COL3A1: variants seen among roughly 807,000 people sequenced by gnomAD.
COL3A1 encodes the protein collagen type III alpha 1 chain.
COL3A1 carries 46 observed loss-of-function variants against 200.9 expected under a neutral mutation model. The ratio of observed to expected loss-of-function variants is 0.23; its 90% CI spans 0.18 to 0.29. The LOEUF is 0.29. Ranked by LOEUF, COL3A1 falls within the 10% of genes least tolerant of loss-of-function variation. The pLI, the probability that COL3A1 is intolerant of heterozygous loss-of-function variation, is 1.00. For missense variants in COL3A1, 1,367 were observed against 1,917.6 expected, an observed-to-expected ratio of 0.71 and a Z score of 5.36; for synonymous variants, 650 against 628.0, an observed-to-expected ratio of 1.03 and a Z score of -0.52.
At chr2:188,989,338 A>T (rs1049337831) in intron 7 of COL3A1, 58 bp from the exon 8 acceptor site, 1 of 1,300,142 alleles carries the variant, frequency 7.7e-7, no homozygotes, top group Non-Finnish European at 1.1e-6. Context: ...ACTGTGTAAT[A>T]ATAAATTGTA....
chr2:188,985,479 C>T lies in COL3A1; in HGVS notation c.334-186C>T, dbSNP rs80263080. On this transcript the variant is annotated intron_variant, in intron 3 of 50. Coordinates refer to ENST00000304636, the MANE Select transcript of COL3A1 (RefSeq NM_000090.4). ...ATCAGTTTAAAGAAAATGTGTAGGTCAATATACAAAGGAATACATTATACT... is the reference window on the plus strand; with the variant it reads ...ATCAGTTTAAAGAAAATGTGTAGGTTAATATACAAAGGAATACATTATACT... 9.0e-3 allele frequency among the ~76,000 whole-genome samples: 1,373 copies of T among 151,802 alleles called. 11 individuals are homozygous for T. The highest frequency in any genetic ancestry group is 0.015 in the Non-Finnish European group (1,040 of 67,888).
intron 22 of COL3A1, 56 bp from the exon 23 acceptor site, chr2:188,996,069 A>G: frequency 6.8e-7 from 1 of 1,473,210 alleles, no homozygotes; most frequent in Admixed American, 1.7e-5. Context: ...TAGTGTATGT[A>G]GTAATTTTTT....
chr2:189,002,689 C>T (rs1688494375), intron 35 of COL3A1, among the ~76,000 whole-genome samples: 1 of 152,112 alleles, frequency 6.6e-6, no homozygotes, highest in South Asian at 2.1e-4. Flanking sequence ...TTTACTGGTG[C>T]TGATTTTCAA....
Position 188,999,500 on chromosome 2 carries a change from G to T in COL3A1, c.2152G>T (p.Ala718Ser), listed in dbSNP as rs748020035. The T allele has an allele frequency of 1.2e-6, 2 of 1,614,108 alleles. No homozygotes were observed. Among genetic ancestry groups the T allele is most frequent in the East Asian group, 4.5e-5 (2 of 44,880 alleles). Residue 718 changes from alanine (A) to serine (S), a missense_variant, in exon 31 of 51, where the codon GCT becomes TCT. By Grantham distance (99) the Ala-to-Ser change is moderately conservative. Coordinates refer to ENST00000304636, the MANE Select transcript of COL3A1 (RefSeq NM_000090.4). Reference sequence around the variant, plus strand: ...TGCTGGTCCTCCTGGGCCACCTGGTGCTGCTGGTACTCCTGGTCTGCAAGG... The same window carrying T: ...TGCTGGTCCTCCTGGGCCACCTGGTTCTGCTGGTACTCCTGGTCTGCAAGG... ...GAAGPPGPPG[A>S]AGTPGLQGMP...
chr2:189,008,047 C>T lies in COL3A1; in HGVS notation c.3430C>T (p.Pro1144Ser), dbSNP rs748793822. 3.1e-6 allele frequency: 5 copies of T among 1,613,908 alleles called. No homozygotes were observed. The highest frequency in any genetic ancestry group is 3.3e-5 in the Admixed American group (2 of 59,990). ...GPAGPRGPVGPSGPPGKDGTS... is the reference protein window; with the variant it reads ...GPAGPRGPVGSSGPPGKDGTS... ...GATACTTTCTTAGGGACCTGTTGGA[C>T]CCAGTGGACCTCCTGGCAAAGATGG... is the stretch of plus-strand genomic sequence containing the variant. The change falls in exon 47 of 51, where the codon CCC becomes TCC. Residue 1144 changes from proline (P) to serine (S), a missense_variant. Around this residue, in one of 5 missense-constraint regions of COL3A1, gnomAD observed 846 missense variants for 1,147.9 expected, o/e 0.74. Coordinates refer to ENST00000304636, the MANE Select transcript of COL3A1 (RefSeq NM_000090.4).
intron 32 of COL3A1, among the ~76,000 whole-genome samples, chr2:189,000,487 T>C (rs533766811): frequency 2.6e-5 from 4 of 152,322 alleles, no homozygotes; most frequent in South Asian, 4.1e-4. Context: ...GAGAGATGGA[T>C]GTGGCTATGG....
At chr2:188,988,527 G>T in intron 6 of COL3A1, 63 bp from the exon 7 acceptor site, 1 of 1,143,062 alleles carries the variant, frequency 8.7e-7, no homozygotes, top group Middle Eastern at 2.4e-4. Flanking sequence ...TTACTGTCAA[G>T]ATGTAAATGA....
chr2:188,992,363 C>A, intron 14 of COL3A1, 135 bp downstream of exon 14: 1 of 779,492 alleles, frequency 1.3e-6, no homozygotes, highest in Admixed American at 2.7e-5. Flanking sequence ...TACACATTAG[C>A]ATCTCTGTTG....
At chr2:188,988,861 T>A (rs1688117853) in intron 7 of COL3A1, among the ~76,000 whole-genome samples, 2 of 151,980 alleles carry the variant, frequency 1.3e-5, no homozygotes, top group Admixed American at 1.3e-4. Flanking sequence ...TCATTAGCCA[T>A]CAAAATAGTC....
intron 11 of COL3A1, 107 bp from the exon 12 acceptor site, chr2:188,991,380 T>C (rs1476769551): frequency 1.4e-6 from 1 of 714,044 alleles, no homozygotes; most frequent in African/African-American, 1.8e-5. Context: ...TTAAAATGTA[T>C]ATCTTTTTCT....
chr2:188,999,659 G>C, intron 31 of COL3A1, 82 bp downstream of exon 31: 1 of 1,461,316 alleles, frequency 6.8e-7, no homozygotes, highest in South Asian at 1.2e-5. Flanking sequence ...GAAAGTAATC[G>C]ACTGTATTTT....
At chr2:188,985,376 A>G (rs948403972) in intron 3 of COL3A1, 129 bp downstream of exon 3, 9 of 785,412 alleles carry the variant, frequency 1.1e-5, no homozygotes, top group Non-Finnish European at 2.0e-5. Context: ...ATGGCACCAA[A>G]CAACAGACTG....
Position 189,004,221 on chromosome 2 carries a change from C to T in COL3A1, c.2824-36C>T, listed in dbSNP as rs765468367. 1.1e-5 allele frequency: 18 copies of T among 1,602,168 alleles called. No homozygotes were observed. In the East Asian group the frequency reaches 4.0e-4, roughly 36 times the overall value. Reference sequence around the variant, plus strand: ...AATCGATTAGAGAAAAACACTGTCACATAAAGATGAGCTAAGTCTTCATTA... The same window carrying T: ...AATCGATTAGAGAAAAACACTGTCATATAAAGATGAGCTAAGTCTTCATTA... On this transcript the variant is annotated intron_variant, in intron 39 of 50. Transcript: ENST00000304636.
chr2:188,989,483 A>C, intron 8 of COL3A1, 34 bp downstream of exon 8: 1 of 1,513,114 alleles, frequency 6.6e-7, no homozygotes, highest in Non-Finnish European at 9.1e-7. Context: ...GAATACAGCA[A>C]AATTTAACTT....
Position 189,006,223 on chromosome 2 carries a change from T to C in COL3A1, c.3057T>C (p.Asp1019=), listed in dbSNP as rs151192026. 5 of 1,614,112 alleles carry C rather than the reference T, an allele frequency of 3.1e-6. No individual in the cohort carries two copies. The highest frequency in any genetic ancestry group is 3.4e-6 in the Non-Finnish European group (4 of 1,180,046). Residue 1019 remains aspartate, a synonymous_variant, in exon 42 of 51, where the codon GAT becomes GAC. Coordinates refer to ENST00000304636, the MANE Select transcript of COL3A1 (RefSeq NM_000090.4). ...EPGRDGNPGS[D]GLPGRDGSPG... ...TTAATCAGGGAAACCCTGGATCAGA[T>C]GGTCTTCCAGGCCGAGATGGATCTC... is the stretch of plus-strand genomic sequence containing the variant.
intron 25 of COL3A1, 37 bp from the exon 26 acceptor site, chr2:188,997,299 G>C: frequency 6.2e-7 from 1 of 1,613,040 alleles, no homozygotes; most frequent in Non-Finnish European, 8.5e-7. Flanking sequence ...TCTGTAATCT[G>C]TATTATTTCT....
At chr2:188,988,357 T>G (rs1688106978) in intron 6 of COL3A1, among the ~76,000 whole-genome samples, 1 of 152,128 alleles carries the variant, frequency 6.6e-6, no homozygotes, top group Non-Finnish European at 1.5e-5. Context: ...ACCACATTAA[T>G]TTGCATGTAA....
At position 189,011,953 on chromosome 2, in the gene COL3A1, C is replaced by G. The variant is rs1688739713; in HGVS notation, c.*179C>G. 1 of 664,276 alleles carries G rather than the reference C, an allele frequency of 1.5e-6. No individual in the cohort carries two copies. Among genetic ancestry groups the G allele is most frequent in the Admixed American group, 2.9e-5 (1 of 34,734 alleles). 41.1% of individuals were successfully genotyped at this position (664,276 alleles called of 1,614,324 possible). ...TACTTCTCTTTTTTTGCTGTTCCAC[C>G]AAATACAATTCAAATGCTTTTTGTT... On this transcript the variant is annotated 3_prime_UTR_variant, in exon 51 of 51. Transcript: ENST00000304636.
chr2:188,998,647 C>G (rs1007005359), intron 28 of COL3A1, 27 bp from the exon 29 acceptor site: 25 of 1,609,908 alleles, frequency 1.6e-5, no homozygotes, highest in Admixed American at 1.0e-4. Context: ...CTGATATGGG[C>G]CTAATCATAT....
Sources: allele counts gnomAD v4.1 joint callset (sites outside exome capture counted in the v4.1 genomes callset), GRCh38; gene constraint gnomAD v4.1.1; regional missense constraint gnomAD v4.1.1; transcripts MANE v1.5; gene names NCBI Gene and HGNC (gene_info 2026-07-23, HGNC 2026-07-21).